The following CTBP2 variants were observed in gnomAD, a reference collection of about 807,000 sequenced individuals.
CTBP2 encodes C-terminal-binding protein 2.
A neutral mutation model predicts 80.3 loss-of-function variants in CTBP2; 30 were observed. That is an observed-to-expected ratio of 0.37 (90% CI 0.28 to 0.51). The LOEUF (loss-of-function observed/expected upper bound fraction) is 0.51, where lower values mean the gene tolerates loss of function less well. Ranked by LOEUF, CTBP2 falls within the 20% of genes least tolerant of loss-of-function variation. The probability of loss-of-function intolerance (pLI) is 0.93; values close to 1 mark genes in which losing one functional copy is unlikely to be tolerated. For missense variants in CTBP2, 1,212 were observed against 1,375.3 expected (o/e 0.88, Z 1.88); for synonymous variants, 594 against 587.4 (o/e 1.01, Z -0.16).
intron 1 of CTBP2, among the ~76,000 whole-genome samples, chr10:125,131,312 C>T (rs1856143361): frequency 6.6e-6 from 1 of 152,200 alleles, no homozygotes; most frequent in Non-Finnish European, 1.5e-5. Context: ...TACAGCCCGA[C>T]TTGCTTCTAA....
intron 1 of CTBP2, among the ~76,000 whole-genome samples, chr10:125,025,839 C>T (rs373459306): frequency 6.6e-6 from 1 of 152,190 alleles, no homozygotes; most frequent in East Asian, 1.9e-4. Flanking sequence ...CACATCAACC[C>T]GACCTCAACT....
At chr10:125,148,412 G>A (rs544571149) in intron 1 of CTBP2, among the ~76,000 whole-genome samples, 2 of 152,306 alleles carry the variant, frequency 1.3e-5, no homozygotes, top group African/African-American at 2.4e-5. Context: ...TAACCACAGC[G>A]AACCCAGGCT....
At chr10:125,025,580 A>T (rs1439811706) in intron 1 of CTBP2, among the ~76,000 whole-genome samples, 1 of 152,218 alleles carries the variant, frequency 6.6e-6, no homozygotes, top group Non-Finnish European at 1.5e-5. Flanking sequence ...CACGGTGGGT[A>T]ATCACTGCCT....
chr10:125,084,493 G>A (rs895875776), intron 2 of CTBP2, among the ~76,000 whole-genome samples: 2 of 152,160 alleles, frequency 1.3e-5, no homozygotes, highest in Admixed American at 1.3e-4. Context: ...CAGTCCGGAG[G>A]CTCCCGCCCA....
intron 2 of CTBP2, among the ~76,000 whole-genome samples, chr10:125,107,765 C>G (rs577691375): frequency 6.6e-6 from 1 of 152,326 alleles, no homozygotes; most frequent in South Asian, 2.1e-4. Flanking sequence ...GCAGGCCAAG[C>G]TTCTACATCA....
upstream of CTBP2, among the ~76,000 whole-genome samples, chr10:125,031,787 T>A (rs1221356863): frequency 6.6e-6 from 1 of 152,196 alleles, no homozygotes; most frequent in Non-Finnish European, 1.5e-5. Flanking sequence ...TCTCACCAAT[T>A]TCTGGGCCTG....
intron 1 of CTBP2, among the ~76,000 whole-genome samples, chr10:125,147,715 T>C (rs973952402): frequency 1.3e-5 from 2 of 152,070 alleles, no homozygotes; most frequent in South Asian, 2.1e-4. Flanking sequence ...CCGGGCAACA[T>C]GGCAAACCCC....
upstream of CTBP2, among the ~76,000 whole-genome samples, chr10:125,028,359 G>A (rs763904940): frequency 1.3e-5 from 2 of 152,158 alleles, no homozygotes; most frequent in African/African-American, 2.4e-5. Flanking sequence ...CTGCTTCAAT[G>A]TCAGTCCACT....
chr10:125,052,286 C>T (rs1962968917), intron 2 of CTBP2, among the ~76,000 whole-genome samples: 2 of 152,170 alleles, frequency 1.3e-5, no homozygotes, highest in Non-Finnish European at 2.9e-5. Context: ...CCAATCTCGC[C>T]CCAGACAGCT....
At chr10:125,057,949 C>T (rs1964279960) in intron 2 of CTBP2, among the ~76,000 whole-genome samples, 1 of 151,570 alleles carries the variant, frequency 6.6e-6, no homozygotes, top group South Asian at 2.1e-4. Flanking sequence ...TCACGGGAAG[C>T]CAGGCTCAGG....
chr10:125,122,279 A>G (rs539472056), intron 1 of CTBP2, among the ~76,000 whole-genome samples: 2 of 152,382 alleles, frequency 1.3e-5, no homozygotes, highest in South Asian at 4.1e-4. Flanking sequence ...GAGGGTAGCA[A>G]TTCACAAATG....
At position 124,995,005 on chromosome 10, in the gene CTBP2, C is replaced by T. The variant is rs569248377; in HGVS notation, c.2186-322G>A. ...TGTTCTGACAAGCCCACATGCCCCT[C>T]CCATCACCACCCGTGTCCTCCGTTC... On this transcript the variant is annotated intron_variant, in intron 4 of 8. Transcript: ENST00000309035. Among the ~76,000 whole-genome samples the T allele has an allele frequency of 2.6e-4, 39 of 152,358 alleles. No individual in the cohort carries two copies. The South Asian group carries it at 7.2e-3, about 28-fold the overall frequency.
At chr10:125,136,246 C>T (rs1204847616) in intron 1 of CTBP2, among the ~76,000 whole-genome samples, 1 of 152,188 alleles carries the variant, frequency 6.6e-6, no homozygotes, top group Non-Finnish European at 1.5e-5. Flanking sequence ...CCCAGGCTGG[C>T]CCCTCACCCT....
intron 2 of CTBP2, among the ~76,000 whole-genome samples, chr10:125,049,901 C>T (rs578262658): frequency 5.9e-5 from 9 of 152,286 alleles, no homozygotes; most frequent in East Asian, 3.9e-4. Context: ...CCCAGCCTGA[C>T]GTGACCAGGC....
rs1014642831 is a variant in CTBP2, at chr10:125,066,838, G to A, written c.-101-27683C>T. On this transcript the variant is annotated intron_variant, in intron 2 of 10. Coordinates refer to the CTBP2 transcript ENST00000337195. The surrounding 1 kb of genome is among the most constrained non-coding windows in gnomAD (Gnocchi z 4.1). ...TCAGTAAATGCCTCAGGGTGAACTCGAGAATCCAGAAGTCTCCAGGGAAGC... is the reference window on the plus strand; with the variant it reads ...TCAGTAAATGCCTCAGGGTGAACTCAAGAATCCAGAAGTCTCCAGGGAAGC... Among the ~76,000 whole-genome samples, 18 of 152,136 alleles carry A rather than the reference G, an allele frequency of 1.2e-4. No individual in the cohort carries two copies. Among genetic ancestry groups the A allele is most frequent in the African/African-American group, 3.9e-4 (16 of 41,416 alleles).
chr10:124,995,744 A>G (rs1455325588), intron 4 of CTBP2, among the ~76,000 whole-genome samples: 1 of 152,186 alleles, frequency 6.6e-6, no homozygotes, highest in Non-Finnish European at 1.5e-5. Context: ...TCTCCTCCTC[A>G]GTGTCACCCT....
chr10:125,006,340 C>A (rs904040480), intron 1 of CTBP2, among the ~76,000 whole-genome samples: 4 of 152,102 alleles, frequency 2.6e-5, no homozygotes, highest in African/African-American at 9.7e-5. Flanking sequence ...GCTTGCGTGC[C>A]CTGCATGAGG....
In CTBP2 at chr10:125,012,263, T is replaced by A. The variant is rs1442763551; in HGVS notation, c.1679-8771A>T. Reference sequence around the variant, plus strand: ...GTGGGGGATAGAAGCCGGAGCAACATCCAAGCCTGAGGAGCAAGGAATAAG... The same window carrying A: ...GTGGGGGATAGAAGCCGGAGCAACAACCAAGCCTGAGGAGCAAGGAATAAG... On this transcript the variant is annotated intron_variant, in intron 1 of 8. Coordinates refer to ENST00000309035, the MANE Select transcript of CTBP2 (RefSeq NM_022802.3). Among the ~76,000 whole-genome samples the A allele has an allele frequency of 3.9e-5, 6 of 152,226 alleles. No homozygotes were observed. The South Asian group carries it at 1.2e-3, about 32-fold the overall frequency.
At position 125,026,807 on chromosome 10, in the gene CTBP2, G is replaced by T; in HGVS notation, c.953C>A (p.Pro318Gln). The stretch of plus-strand genomic sequence containing the variant: ...GTCCTCCAGGGTAGCCAGGACGGCC[G>T]GGGAGTCAAAGCCCTGCTGCAGTAG... Residue 318 changes from proline to glutamine, a missense_variant, in exon 1 of 9, where the codon CCG becomes CAG. This residue lies in a region of CTBP2 where 848 missense variants were observed against 782.3 expected (regional missense o/e 1.08). Coordinates refer to ENST00000309035, the MANE Select transcript of CTBP2 (RefSeq NM_022802.3). 6.2e-7 allele frequency: 1 copy of T among 1,613,342 alleles called. No individual in the cohort carries two copies. The highest frequency in any genetic ancestry group is 8.5e-7 in the Non-Finnish European group (1 of 1,179,992).
Sources: allele counts gnomAD v4.1 joint callset (sites outside exome capture counted in the v4.1 genomes callset), GRCh38; gene constraint gnomAD v4.1.1; regional missense constraint gnomAD v4.1.1; non-coding constraint Gnocchi (gnomAD v3.1); transcripts MANE v1.5; gene names NCBI Gene and HGNC (gene_info 2026-07-23, HGNC 2026-07-21).